The following OPA3 variants were observed in gnomAD, a reference collection of about 807,000 sequenced individuals.
OPA3 encodes the protein outer mitochondrial membrane lipid metabolism regulator OPA3, also known as optic atrophy 3 protein.
A neutral mutation model predicts 4.0 loss-of-function variants in OPA3; 6 were observed. The ratio of observed to expected loss-of-function variants is 1.51; its 90% CI spans 0.83 to 2.99. The LOEUF is 2.99. Ranked by LOEUF, OPA3 falls within the 30% of genes most tolerant of loss-of-function variation. The pLI is 0.00. For synonymous variants in OPA3, 105 were observed against 117.1 expected (o/e 0.90, Z 0.67); for missense variants, 235 against 256.2 (o/e 0.92, Z 0.56).
intron 1 of OPA3, among the ~76,000 whole-genome samples, chr19:45,539,669 C>T (rs1277099311): frequency 1.3e-5 from 2 of 150,830 alleles, no homozygotes; most frequent in Admixed American, 6.6e-5. Flanking sequence ...ATCCCAGCTA[C>T]TGGGCGGGGG....
chr19:45,557,955 C>T (rs1379712960), intron 1 of OPA3, among the ~76,000 whole-genome samples: 1 of 152,198 alleles, frequency 6.6e-6, no homozygotes, highest in Non-Finnish European at 1.5e-5. Flanking sequence ...AGTCCCGCCT[C>T]CAGCCTCCTT....
chr19:45,572,797 ATATCATAC>A lies in OPA3; in HGVS notation c.142+11818_142+11825del, dbSNP rs796122703. Reference sequence around the variant, plus strand: ...TATATCATACTATATATAGATATATATATCATACTATATATATAGATATATATCTCGAT... The same window carrying A: ...TATATCATACTATATATAGATATATATATATATATAGATATATATCTCGAT... On this transcript the variant is annotated intron_variant, in intron 1 of 1. Coordinates refer to ENST00000263275, the MANE Select transcript of OPA3 (RefSeq NM_025136.4). Among the ~76,000 whole-genome samples, 468 of 117,350 alleles carry A rather than the reference ATATCATAC, an allele frequency of 4.0e-3. 5 individuals are homozygous for A. The highest frequency in any genetic ancestry group is 0.013 in the African/African-American group (389 of 30,254). 77.0% of individuals were successfully genotyped at this position (117,350 alleles called of 152,430 possible). A position where few individuals can be genotyped will look rare whatever the true frequency, so the allele number is the denominator to read the frequency against.
chr19:45,561,951 A>G (rs973136402), intron 1 of OPA3, among the ~76,000 whole-genome samples: 6 of 151,816 alleles, frequency 4.0e-5, no homozygotes, highest in Admixed American at 1.3e-4. Flanking sequence ...TCTCAAAAAT[A>G]AATAAATAAA....
In OPA3 at chr19:45,537,542, C is replaced by T. The variant is rs569307005; in HGVS notation, c.143-8086G>A. On this transcript the variant is annotated intron_variant, in intron 1 of 1. Transcript: ENST00000323060. The stretch of plus-strand genomic sequence containing the variant: ...ACAAATAACTCAAATTTAGGACATA[C>T]AGATACCTCCTGCCAATCAAAAGGG... Among the ~76,000 whole-genome samples, 64 of 151,918 alleles carry T rather than the reference C, an allele frequency of 4.2e-4. 1 individual carries two copies. The highest frequency in any genetic ancestry group is 1.4e-3 in the African/African-American group (60 of 41,458).
At chr19:45,578,058 C>T (rs1268653920) in intron 1 of OPA3, among the ~76,000 whole-genome samples, 1 of 152,206 alleles carries the variant, frequency 6.6e-6, no homozygotes, top group African/African-American at 2.4e-5. Flanking sequence ...ACTTGACTGA[C>T]TCCATCTTAC....
chr19:45,534,821 C>T (rs545885588), intron 1 of OPA3, among the ~76,000 whole-genome samples: 41 of 151,810 alleles, frequency 2.7e-4, no homozygotes, highest in Middle Eastern at 3.4e-3. Flanking sequence ...TTAGTAGAGA[C>T]GGGGTTTCAC....
At chr19:45,560,964 C>A (rs1049813635) in intron 1 of OPA3, among the ~76,000 whole-genome samples, 2 of 152,178 alleles carry the variant, frequency 1.3e-5, no homozygotes, top group African/African-American at 4.8e-5. Flanking sequence ...GGAATGCAAC[C>A]CTTTCCTCAG....
At chr19:45,545,331 C>T (rs1877824567), downstream of OPA3, among the ~76,000 whole-genome samples, 2 of 151,646 alleles carry the variant, frequency 1.3e-5, no homozygotes, top group African/African-American at 2.4e-5. Context: ...GAGTTCCTGA[C>T]CAGCCTGGGC....
Position 45,548,661 on chromosome 19 carries a change from A to ATT in OPA3, c.*4851_*4852dup, listed in dbSNP as rs144752998. The ATT allele has an allele frequency of 5.7e-6, 5 of 877,452 alleles. No individual in the cohort carries two copies. The highest frequency in any genetic ancestry group is 5.4e-6 in the Non-Finnish European group (4 of 734,388). 54.4% of individuals were successfully genotyped at this position (877,452 alleles called of 1,614,324 possible). A position where few individuals can be genotyped will look rare whatever the true frequency, so the allele number is the denominator to read the frequency against. ...GTGAGTTTTGTGTTTTATTTTTTTT[A>ATT]TTTTTTTTTTTTTTGCGGGAGACGC... On this transcript the variant is annotated 3_prime_UTR_variant, in exon 2 of 2. Coordinates refer to ENST00000263275, the MANE Select transcript of OPA3 (RefSeq NM_025136.4).
chr19:45,531,382 AAACT>A (rs1364590961), intron 1 of OPA3, among the ~76,000 whole-genome samples: 22 of 152,138 alleles, frequency 1.4e-4, no homozygotes, highest in Admixed American at 2.0e-4. Context: ...GATGATTCTC[AAACT>A]AACTATGTGA....
chr19:45,549,729 C>T lies in OPA3; in HGVS notation c.*3785G>A. On this transcript the variant is annotated 3_prime_UTR_variant, in exon 2 of 2. Transcript: ENST00000263275. ...TCCTAACATCATGTGATCAGTCCAC[C>T]TTGGCCTCTCAAAGTGCTGGGATGA... 1.0e-6 allele frequency: 1 copy of T among 981,182 alleles called. No homozygotes were observed. Among genetic ancestry groups the T allele is most frequent in the Non-Finnish European group, 1.2e-6 (1 of 826,188 alleles). 60.8% of individuals were successfully genotyped at this position (981,182 alleles called of 1,614,324 possible).
intron 1 of OPA3, among the ~76,000 whole-genome samples, chr19:45,566,380 C>T (rs1423886731): frequency 1.3e-5 from 2 of 151,990 alleles, no homozygotes; most frequent in Non-Finnish European, 2.9e-5. Context: ...TAACTCCTGA[C>T]CTCAGATGAT....
At chr19:45,559,393 C>CATT (rs1969470146) in intron 1 of OPA3, among the ~76,000 whole-genome samples, 1 of 97,824 alleles carries the variant, frequency 1.0e-5, no homozygotes. Flanking sequence ...CCCTCTTTTT[C>CATT]TTTCTTTTTT....
intron 1 of OPA3, among the ~76,000 whole-genome samples, chr19:45,581,473 G>A (rs2122521370): frequency 6.6e-6 from 1 of 152,268 alleles, no homozygotes; most frequent in South Asian, 2.1e-4. Context: ...GCCATGTCAG[G>A]TGCCCAGTGG....
intron 1 of OPA3, among the ~76,000 whole-genome samples, chr19:45,537,413 A>AC (rs1969133037): frequency 6.6e-6 from 1 of 150,604 alleles, no homozygotes; most frequent in Non-Finnish European, 1.5e-5. Flanking sequence ...AAAAAAAAAA[A>AC]AAAAAAAAAC....
In OPA3 at chr19:45,550,464, C is replaced by G; in HGVS notation, c.*3050G>C. 1 of 986,292 alleles carries G rather than the reference C, an allele frequency of 1.0e-6. No individual in the cohort carries two copies. Among genetic ancestry groups the G allele is most frequent in the Non-Finnish European group, 1.2e-6 (1 of 830,640 alleles). 61.1% of individuals were successfully genotyped at this position (986,292 alleles called of 1,614,324 possible). ...GCCACCTCTGGGATGGTCTGGGCCT[C>G]TGTGTAGAGATCGTCACCCTCCCAG... On this transcript the variant is annotated 3_prime_UTR_variant, in exon 2 of 2. Coordinates refer to ENST00000263275, the MANE Select transcript of OPA3 (RefSeq NM_025136.4).
downstream of OPA3, among the ~76,000 whole-genome samples, chr19:45,542,574 C>T (rs58671202): frequency 0.11 from 16,386 of 151,540 alleles, 1,015 homozygotes; most frequent in East Asian, 0.18. Flanking sequence ...AGTAAAAATA[C>T]GGTGGTATCA....
intron 1 of OPA3, among the ~76,000 whole-genome samples, chr19:45,570,007 A>C (rs1365340521): frequency 6.6e-6 from 1 of 152,144 alleles, no homozygotes; most frequent in African/African-American, 2.4e-5. Context: ...ACAAACTAAT[A>C]CAGAGATACA....
At chr19:45,558,731 T>A (rs139401653) in intron 1 of OPA3, among the ~76,000 whole-genome samples, 2 of 152,148 alleles carry the variant, frequency 1.3e-5, no homozygotes, top group African/African-American at 4.8e-5. Context: ...TGTTTTTTTT[T>A]TTTATTTTTT....
Sources: allele counts gnomAD v4.1 joint callset (sites outside exome capture counted in the v4.1 genomes callset), GRCh38; gene constraint gnomAD v4.1.1; transcripts MANE v1.5; gene names NCBI Gene and HGNC (gene_info 2026-07-23, HGNC 2026-07-21).